The following KCNJ6 variants were observed in gnomAD, a reference collection of about 807,000 sequenced individuals.
KCNJ6 encodes G protein-activated inward rectifier potassium channel 2.
KCNJ6 carries 9 observed loss-of-function variants against 34.2 expected under a neutral mutation model. The observed-to-expected ratio is 0.26, with a 90% CI of 0.16 to 0.46. KCNJ6 has a LOEUF of 0.46. KCNJ6 is among the 20% of genes least tolerant of loss of function. KCNJ6 has a pLI of 1.00. For missense variants in KCNJ6, 236 were observed against 531.3 expected (o/e 0.44, Z 5.46); for synonymous variants, 196 against 207.1 (o/e 0.95, Z 0.46).
rs910082744 is a variant in KCNJ6 at position 37,618,585 on chromosome 21, T to C, written c.*6574A>G. The C allele has an allele frequency of 2.3e-4, 35 of 152,216 alleles. No homozygotes were observed. The highest frequency in any genetic ancestry group is 7.7e-4 in the African/African-American group (32 of 41,460). 9.4% of individuals were successfully genotyped at this position (152,216 alleles called of 1,614,324 possible). On this transcript the variant is annotated 3_prime_UTR_variant, in exon 4 of 4. Coordinates refer to ENST00000609713, the MANE Select transcript of KCNJ6 (RefSeq NM_002240.5). Reference sequence around the variant, plus strand: ...TGGGCACTGAGCCTTAATCTTGAAATGGGCAATTACACAAAGTCGGTAGGA... The same window carrying C: ...TGGGCACTGAGCCTTAATCTTGAAACGGGCAATTACACAAAGTCGGTAGGA...
chr21:37,705,291 C>T (rs567386982), intron 3 of KCNJ6, among the ~76,000 whole-genome samples: 1 of 152,296 alleles, frequency 6.6e-6, no homozygotes, highest in Non-Finnish European at 1.5e-5. Flanking sequence ...GAGACTGCAT[C>T]CTGGCTTCAT....
At chr21:37,710,084 A>C (rs2054743440) in intron 3 of KCNJ6, among the ~76,000 whole-genome samples, 1 of 152,258 alleles carries the variant, frequency 6.6e-6, no homozygotes, top group Admixed American at 6.5e-5. Context: ...AGATGGAAGA[A>C]GAAGTCATAG....
At chr21:37,853,835 C>CATATATATGTGTATATAT (rs1399366665) in intron 1 of KCNJ6, among the ~76,000 whole-genome samples, 1 of 43,238 alleles carries the variant, frequency 2.3e-5, no homozygotes, top group Non-Finnish European at 3.7e-5. Context: ...TTAAGAGATA[C>CATATATATGTGTATATAT]ATATATATAT....
intron 2 of KCNJ6, among the ~76,000 whole-genome samples, chr21:37,833,301 C>G (rs2055435865): frequency 2.0e-5 from 3 of 152,176 alleles, no homozygotes; most frequent in Non-Finnish European, 4.4e-5. Context: ...AGGCATGAGC[C>G]ACTGCACCCG....
In KCNJ6 at chr21:37,851,906, T is replaced by TG. The variant is rs1055577825; in HGVS notation, c.-27-11198_-27-11197insC. ...GAGTGAGCTCTCTGAGTTCTTTTTT[T>TG]TTTTTTCTATATTGTTTATCCCTGA... On this transcript the variant is annotated intron_variant, in intron 1 of 3. Transcript: ENST00000609713. Among the ~76,000 whole-genome samples, 5 of 152,026 alleles carry TG rather than the reference T, an allele frequency of 3.3e-5. No homozygotes were observed. The East Asian group carries it at 9.7e-4, about 29-fold the overall frequency.
At chr21:37,666,959 C>T (rs1177226141) in intron 3 of KCNJ6, among the ~76,000 whole-genome samples, 7 of 150,636 alleles carry the variant, frequency 4.6e-5, no homozygotes, top group South Asian at 4.3e-4. Context: ...GCAGCATACT[C>T]GTTAAGAGTC....
At chr21:37,786,536 C>A (rs781442174) in intron 2 of KCNJ6, among the ~76,000 whole-genome samples, 1 of 152,308 alleles carries the variant, frequency 6.6e-6, no homozygotes. Flanking sequence ...CACAATTCAG[C>A]TGAACAATAG....
chr21:37,667,377 C>T (rs918263274), intron 3 of KCNJ6, among the ~76,000 whole-genome samples: 2 of 152,070 alleles, frequency 1.3e-5, no homozygotes, highest in Non-Finnish European at 2.9e-5. Context: ...TTGTAACAAG[C>T]CCATCCTGTC....
At chr21:37,746,851 G>A (rs2054969997) in intron 2 of KCNJ6, among the ~76,000 whole-genome samples, 1 of 152,220 alleles carries the variant, frequency 6.6e-6, no homozygotes, top group Non-Finnish European at 1.5e-5. Flanking sequence ...CACTCTGACT[G>A]CTCAGTGGAT....
chr21:37,677,787 T>TCCACCCACCCACCCACCCATCCATCCAC (rs1569443668), intron 3 of KCNJ6, among the ~76,000 whole-genome samples: 13 of 137,764 alleles, frequency 9.4e-5, no homozygotes, highest in Non-Finnish European at 1.7e-4. Context: ...CATCCATCCA[T>TCCACCCACCCACCCACCCATCCATCCAC]CCACCCACCT....
intron 2 of KCNJ6, among the ~76,000 whole-genome samples, chr21:37,814,949 C>T (rs533688258): frequency 4.7e-5 from 7 of 150,200 alleles, no homozygotes; most frequent in African/African-American, 1.5e-4. Context: ...GGAAAAATTC[C>T]GTCCATGTTT....
At chr21:37,739,748 G>C (rs1031920592) in intron 2 of KCNJ6, among the ~76,000 whole-genome samples, 8 of 152,126 alleles carry the variant, frequency 5.3e-5, no homozygotes, top group Non-Finnish European at 7.4e-5. Flanking sequence ...TTGATGCCAT[G>C]CATGATGGGG....
At chr21:37,901,627 A>T (rs1335532853) in intron 1 of KCNJ6, among the ~76,000 whole-genome samples, 1 of 152,238 alleles carries the variant, frequency 6.6e-6, no homozygotes, top group African/African-American at 2.4e-5. Context: ...CAGACGTTCA[A>T]GTTAGGATTT....
intron 2 of KCNJ6, among the ~76,000 whole-genome samples, chr21:37,738,631 T>C (rs1287877796): frequency 6.6e-6 from 1 of 152,234 alleles, no homozygotes; most frequent in Non-Finnish European, 1.5e-5. Flanking sequence ...ATATCATAAA[T>C]TCAAAGATGC....
intron 2 of KCNJ6, among the ~76,000 whole-genome samples, chr21:37,743,768 A>T (rs904477418): frequency 5.3e-5 from 8 of 152,138 alleles, no homozygotes; most frequent in African/African-American, 1.7e-4. Flanking sequence ...AAGCTAAAAA[A>T]ACAAAGACTA....
At chr21:37,791,167 C>T (rs896129659) in intron 2 of KCNJ6, among the ~76,000 whole-genome samples, 2 of 152,194 alleles carry the variant, frequency 1.3e-5, no homozygotes, top group African/African-American at 4.8e-5. Flanking sequence ...GGAGGACCTG[C>T]GTCCTTGAAT....
At chr21:37,686,537 G>A (rs1217713657) in intron 3 of KCNJ6, among the ~76,000 whole-genome samples, 4 of 134,822 alleles carry the variant, frequency 3.0e-5, no homozygotes, top group South Asian at 2.5e-4. Flanking sequence ...GTGCGATCTC[G>A]GCTCACTGCA....
chr21:37,671,163 C>T (rs1302205659), intron 3 of KCNJ6, among the ~76,000 whole-genome samples: 1 of 152,170 alleles, frequency 6.6e-6, no homozygotes, highest in African/African-American at 2.4e-5. Context: ...GGCTGGCCAC[C>T]TGAAAGACCA....
intron 2 of KCNJ6, among the ~76,000 whole-genome samples, chr21:37,810,644 C>G (rs981781596): frequency 1.3e-5 from 2 of 152,138 alleles, no homozygotes; most frequent in Non-Finnish European, 2.9e-5. Flanking sequence ...TTGATATTGA[C>G]GTTATTTTCA....
Sources: allele counts gnomAD v4.1 joint callset (sites outside exome capture counted in the v4.1 genomes callset), GRCh38; gene constraint gnomAD v4.1.1; transcripts MANE v1.5; gene names NCBI Gene and HGNC (gene_info 2026-07-23, HGNC 2026-07-21).